The following UGT3A1 variants were observed in gnomAD, a reference collection of about 807,000 sequenced individuals.
The protein encoded by UGT3A1 is UDP glycosyltransferase family 3 member A1, also known as UDP-glycosyltransferase 3A1.
A neutral mutation model predicts 37.6 loss-of-function variants in UGT3A1; 40 were observed. That is an observed-to-expected ratio of 1.06 (90% CI 0.83 to 1.38). The LOEUF (loss-of-function observed/expected upper bound fraction) is 1.38. UGT3A1 is among the 40% of genes most tolerant of loss of function. The pLI is 0.00. For synonymous variants in UGT3A1, 256 were observed against 232.3 expected, an observed-to-expected ratio of 1.10 and a Z score of -0.93; for missense variants, 642 against 634.2, an observed-to-expected ratio of 1.01 and a Z score of -0.13.
intron 2 of UGT3A1, among the ~76,000 whole-genome samples, chr5:35,978,286 C>G (rs551097058): frequency 6.6e-6 from 1 of 152,314 alleles, no homozygotes; most frequent in African/African-American, 2.4e-5. Flanking sequence ...CCACCTGCCT[C>G]AGCCTCTCAA....
upstream of UGT3A1, chr5:35,991,758 C>T: frequency 4.0e-6 from 2 of 501,960 alleles, no homozygotes; most frequent in Non-Finnish European, 5.2e-6. Context: ...GTGTCCCAAG[C>T]TCAAGATGTC....
At chr5:35,972,085 A>AT (rs11385538) in intron 2 of UGT3A1, among the ~76,000 whole-genome samples, 27,961 of 151,832 alleles carry the variant, frequency 0.18, 2,914 homozygotes, top group East Asian at 0.38. Context: ...TCGTTCAAAG[A>AT]TTTTTTTCCC....
chr5:35,999,270 G>C (rs1741168346), intron 1 of UGT3A1, among the ~76,000 whole-genome samples: 1 of 149,488 alleles, frequency 6.7e-6, no homozygotes, highest in Admixed American at 6.7e-5. Flanking sequence ...ATAAGTGTCA[G>C]AGCTGTTAGG....
In UGT3A1 at chr5:35,953,996, T is replaced by C. The variant is rs1580909821; in HGVS notation, c.*206A>G. ...GGCAGGTGAAAATTTGTATCTGAGC[T>C]GGGGTTTCAAGTCACAAGGGGCAAG... On this transcript the variant is annotated 3_prime_UTR_variant, in exon 7 of 7. Transcript: ENST00000274278. 2 of 569,080 alleles carry C rather than the reference T, an allele frequency of 3.5e-6. No individual in the cohort carries two copies. Among genetic ancestry groups the C allele is most frequent in the South Asian group, 5.0e-5 (2 of 39,800 alleles). 35.3% of individuals were successfully genotyped at this position (569,080 alleles called of 1,614,324 possible).
intron 2 of UGT3A1, among the ~76,000 whole-genome samples, chr5:35,983,222 A>T (rs1305241928): frequency 2.0e-5 from 3 of 152,220 alleles, no homozygotes; most frequent in Non-Finnish European, 4.4e-5. Context: ...ATAACAACAG[A>T]GACCACAGAA....
In UGT3A1 at chr5:35,951,964, T is replaced by A. The variant is rs1189562313; in HGVS notation, c.*2238A>T. ...CACTATGCCAGGTTCTATAACAAGA[T>A]AAATAGGAACCAGTCCCTGTCTTTA... On this transcript the variant is annotated 3_prime_UTR_variant, in exon 7 of 7. Transcript: ENST00000274278. 2 of 152,214 alleles carry A rather than the reference T, an allele frequency of 1.3e-5. No individual in the cohort carries two copies. Among genetic ancestry groups the A allele is most frequent in the African/African-American group, 2.4e-5 (1 of 41,454 alleles). The allele number at this position is 152,214 out of a possible 1,614,324, so 9.4% of individuals were successfully genotyped here.
intron 2 of UGT3A1, among the ~76,000 whole-genome samples, chr5:35,978,873 A>G (rs1329375590): frequency 6.6e-6 from 1 of 152,208 alleles, no homozygotes; most frequent in Non-Finnish European, 1.5e-5. Flanking sequence ...GTTACTTCCT[A>G]GTTACAATGA....
intron 2 of UGT3A1, among the ~76,000 whole-genome samples, chr5:35,981,774 G>T (rs1740532770): frequency 6.6e-6 from 1 of 152,248 alleles, no homozygotes; most frequent in Non-Finnish European, 1.5e-5. Flanking sequence ...GTAAAGAGGA[G>T]CCAAATGTTA....
At chr5:35,964,599 A>C (rs929703267) in intron 4 of UGT3A1, among the ~76,000 whole-genome samples, 1 of 152,182 alleles carries the variant, frequency 6.6e-6, no homozygotes, top group Non-Finnish European at 1.5e-5. Context: ...TGCACTACAC[A>C]GTGGTGGGAA....
Position 35,991,284 on chromosome 5 carries a change from C to T in UGT3A1, c.-44G>A. On this transcript the variant is annotated 5_prime_UTR_variant, in exon 1 of 7. Transcript: ENST00000274278. Reference sequence around the variant, plus strand: ...AGCGGATCTCAGCCTGGGCTGCGCGCCCTGCGCCGGGCTAAGGACTCTGTG... The same window carrying T: ...AGCGGATCTCAGCCTGGGCTGCGCGTCCTGCGCCGGGCTAAGGACTCTGTG... 6.2e-7 allele frequency: 1 copy of T among 1,612,734 alleles called. No homozygotes were observed. Among genetic ancestry groups the T allele is most frequent in the Non-Finnish European group, 8.5e-7 (1 of 1,179,236 alleles).
intron 2 of UGT3A1, among the ~76,000 whole-genome samples, chr5:35,970,672 G>A (rs761276878): frequency 2.0e-5 from 3 of 152,038 alleles, no homozygotes; most frequent in African/African-American, 7.3e-5. Context: ...CTTAGAATTG[G>A]CTTAACAAAA....
At chr5:35,975,818 A>G (rs1226668149) in intron 2 of UGT3A1, among the ~76,000 whole-genome samples, 1 of 152,164 alleles carries the variant, frequency 6.6e-6, no homozygotes, top group Non-Finnish European at 1.5e-5. Flanking sequence ...TACATTAGGT[A>G]TATCTCCTAA....
intron 5 of UGT3A1, among the ~76,000 whole-genome samples, chr5:35,956,508 T>G (rs2149948636): frequency 6.6e-6 from 1 of 152,324 alleles, no homozygotes; most frequent in South Asian, 2.1e-4. Context: ...AGCCATAAAC[T>G]TAGTTATGAA....
At chr5:35,999,902 A>T (rs571114877) in intron 1 of UGT3A1, among the ~76,000 whole-genome samples, 1 of 152,350 alleles carries the variant, frequency 6.6e-6, no homozygotes, top group East Asian at 1.9e-4. Context: ...AGTAACAGCT[A>T]TGGCAGCTGG....
chr5:35,963,094 C>T (rs1739655752), intron 4 of UGT3A1: 1 of 622,666 alleles, frequency 1.6e-6, no homozygotes, highest in South Asian at 1.8e-5. Flanking sequence ...ATGCCACCCA[C>T]AGGTGCCACT....
Position 35,965,607 on chromosome 5 carries a change from A to T in UGT3A1, c.622T>A (p.Phe208Ile). Residue 208 changes from phenylalanine (F) to isoleucine (I), a missense_variant, in exon 4 of 7, where the codon TTT becomes ATT. Coordinates refer to ENST00000274278, the MANE Select transcript of UGT3A1 (RefSeq NM_152404.4). ...TCCCATTGGCTCCTGGAGAAACTAA[A>T]GAACATCAGAAAATTCTTCACTCGG... ...WGRVKNFLMF[F>I]SFSRSQWDMQ... 1 of 1,614,212 alleles carries T rather than the reference A, an allele frequency of 6.2e-7. No homozygotes were observed. Among genetic ancestry groups the T allele is most frequent in the Non-Finnish European group, 8.5e-7 (1 of 1,180,048 alleles).
intron 4 of UGT3A1, chr5:35,962,862 A>G: frequency 1.4e-6 from 1 of 702,338 alleles, no homozygotes; most frequent in South Asian, 1.5e-5. Flanking sequence ...TTTTTCCTCC[A>G]GATTCTGAGG....
chr5:35,978,710 C>T (rs949490970), intron 2 of UGT3A1, among the ~76,000 whole-genome samples: 4 of 152,078 alleles, frequency 2.6e-5, no homozygotes, highest in East Asian at 1.9e-4. Flanking sequence ...CCAAATCTCA[C>T]GTCCTCACAT....
chr5:35,974,315 T>A (rs1740169715), intron 2 of UGT3A1, among the ~76,000 whole-genome samples: 1 of 152,136 alleles, frequency 6.6e-6, no homozygotes, highest in African/African-American at 2.4e-5. Flanking sequence ...AGATTTGAAA[T>A]GCATAATTGG....
Sources: gnomAD v4.1 joint callset for allele counts (sites outside exome capture counted in the v4.1 genomes callset) on GRCh38, gnomAD v4.1.1 for gene constraint, MANE v1.5 for transcripts, NCBI Gene and HGNC (gene_info 2026-07-23, HGNC 2026-07-21) for gene names.